The following F2R variants were observed in gnomAD, a reference collection of about 807,000 sequenced individuals.
F2R encodes the protein coagulation factor II thrombin receptor.
In F2R, 12 loss-of-function variants were observed where a neutral mutation model predicts 18.3. The ratio of observed to expected loss-of-function variants is 0.66; its 90% CI spans 0.42 to 1.06. The LOEUF (loss-of-function observed/expected upper bound fraction) is 1.06. Among genes scored for constraint, F2R ranks in the 50% least tolerant of loss-of-function variants. F2R has a pLI of 0.00. For missense variants in F2R, 438 were observed against 530.8 expected, an observed-to-expected ratio of 0.83 and a Z score of 1.72; for synonymous variants, 210 against 219.9, an observed-to-expected ratio of 0.95 and a Z score of 0.40.
intron 1 of F2R, among the ~76,000 whole-genome samples, chr5:76,719,929 C>T (rs1273337430): frequency 6.6e-6 from 1 of 152,146 alleles, no homozygotes; most frequent in Non-Finnish European, 1.5e-5. Context: ...CTCATGAATA[C>T]ACTAATTAAT....
At chr5:76,723,931 T>C (rs1404722291) in intron 1 of F2R, among the ~76,000 whole-genome samples, 3 of 152,222 alleles carry the variant, frequency 2.0e-5, no homozygotes, top group Non-Finnish European at 4.4e-5. Flanking sequence ...TGTATAATTT[T>C]AAAGCAAATC....
chr5:76,731,155 A>C (rs1409165534), intron 1 of F2R, among the ~76,000 whole-genome samples: 1 of 152,228 alleles, frequency 6.6e-6, no homozygotes, highest in Non-Finnish European at 1.5e-5. Context: ...CTATGTTAGG[A>C]GATAACCCCA....
intron 1 of F2R, among the ~76,000 whole-genome samples, chr5:76,725,209 C>T (rs2150581576): frequency 6.6e-6 from 1 of 152,310 alleles, no homozygotes; most frequent in Admixed American, 6.5e-5. Flanking sequence ...GGACAGATCT[C>T]ATCACAGTCA....
intron 1 of F2R, among the ~76,000 whole-genome samples, chr5:76,724,069 T>C (rs1748515175): frequency 6.6e-6 from 1 of 152,146 alleles, no homozygotes; most frequent in South Asian, 2.1e-4. Flanking sequence ...TGTTTTTTTG[T>C]TTGTTTGTTT....
chr5:76,723,879 A>G (rs1748511324), intron 1 of F2R, among the ~76,000 whole-genome samples: 1 of 152,148 alleles, frequency 6.6e-6, no homozygotes, highest in Admixed American at 6.5e-5. Flanking sequence ...CATGTCACCA[A>G]TCTTGTTTTA....
intron 1 of F2R, among the ~76,000 whole-genome samples, chr5:76,718,507 G>C (rs1445669320): frequency 1.3e-5 from 2 of 152,174 alleles, no homozygotes; most frequent in African/African-American, 4.8e-5. Context: ...GCCCTCCCAG[G>C]GCTGGCCCTG....
intron 1 of F2R, among the ~76,000 whole-genome samples, chr5:76,721,994 A>G (rs928606916): frequency 4.6e-5 from 7 of 152,204 alleles, no homozygotes; most frequent in African/African-American, 1.7e-4. Context: ...GAATATTCCT[A>G]TGGTAGCCAA....
intron 1 of F2R, among the ~76,000 whole-genome samples, chr5:76,717,974 G>A (rs182664090): frequency 5.9e-5 from 9 of 152,222 alleles, no homozygotes; most frequent in Admixed American, 5.9e-4. Context: ...GGATGAACTT[G>A]GCTAGTTTAT....
chr5:76,729,041 G>A (rs750254453), intron 1 of F2R, among the ~76,000 whole-genome samples: 5 of 152,162 alleles, frequency 3.3e-5, no homozygotes, highest in African/African-American at 4.8e-5. Flanking sequence ...TGGAATTGCT[G>A]TATTATATAA....
At chr5:76,723,353 C>A in intron 1 of F2R, among the ~76,000 whole-genome samples, 1 of 152,326 alleles carries the variant, frequency 6.6e-6, no homozygotes, top group Admixed American at 6.5e-5. Flanking sequence ...GTGGAGTGGT[C>A]AAAAGGTATG....
chr5:76,719,540 G>C (rs1441617131), intron 1 of F2R, among the ~76,000 whole-genome samples: 2 of 151,694 alleles, frequency 1.3e-5, no homozygotes, highest in Non-Finnish European at 2.9e-5. Flanking sequence ...AGGGAACTGA[G>C]ATTGTGCCAC....
At chr5:76,719,295 G>T (rs1748403436) in intron 1 of F2R, among the ~76,000 whole-genome samples, 1 of 152,190 alleles carries the variant, frequency 6.6e-6, no homozygotes, top group South Asian at 2.1e-4. Flanking sequence ...AGTTGAGAAA[G>T]AGGTGGAATT....
chr5:76,733,763 T>C lies in F2R; in HGVS notation c.*260T>C. On this transcript the variant is annotated 3_prime_UTR_variant, in exon 2 of 2. Coordinates refer to ENST00000319211, the MANE Select transcript of F2R (RefSeq NM_001992.5). ...AATGAATGTCACTTCTGGATATAGC[T>C]AGGTGACATATACATACTTACATGT... 2.1e-6 allele frequency: 1 copy of C among 469,230 alleles called. No homozygotes were observed. Among genetic ancestry groups the C allele is most frequent in the Non-Finnish European group, 3.8e-6 (1 of 261,006 alleles). 29.1% of individuals were successfully genotyped at this position (469,230 alleles called of 1,614,324 possible).
intron 1 of F2R, among the ~76,000 whole-genome samples, chr5:76,730,574 T>C (rs1411305817): frequency 1.3e-5 from 2 of 152,208 alleles, no homozygotes; most frequent in Non-Finnish European, 2.9e-5. Flanking sequence ...CAACCAATTC[T>C]CCTGCAGATT....
rs1478259027 is a variant in F2R at position 76,735,043 on chromosome 5, A to T, written c.*1540A>T. 1.3e-5 allele frequency: 2 copies of T among 152,306 alleles called. No homozygotes were observed. Among genetic ancestry groups the T allele is most frequent in the African/African-American group, 4.8e-5 (2 of 41,432 alleles). The allele number at this position is 152,306 out of a possible 1,614,324, so 9.4% of individuals were successfully genotyped here. ...AATGAGACTTTAAAAGCATTTTTTA[A>T]CCTCCTAAGTATCAAGTATAGAAAA... On this transcript the variant is annotated 3_prime_UTR_variant, in exon 2 of 2. Transcript: ENST00000319211.
At chr5:76,731,319 C>G (rs368846316) in intron 1 of F2R, among the ~76,000 whole-genome samples, 1 of 151,988 alleles carries the variant, frequency 6.6e-6, no homozygotes, top group African/African-American at 2.4e-5. Flanking sequence ...ACTCCAAAAC[C>G]TTTAAGAAAT....
intron 1 of F2R, among the ~76,000 whole-genome samples, chr5:76,728,140 G>A (rs1748604788): frequency 6.6e-6 from 1 of 151,976 alleles, no homozygotes; most frequent in African/African-American, 2.4e-5. Flanking sequence ...TTGTGAGATG[G>A]CTAAATCAAA....
chr5:76,722,232 T>A (rs945941424), intron 1 of F2R, among the ~76,000 whole-genome samples: 2 of 152,224 alleles, frequency 1.3e-5, no homozygotes, highest in African/African-American at 2.4e-5. Flanking sequence ...TTGGTGATCA[T>A]TGACATCCTT....
chr5:76,716,789 G>A (rs750599090), intron 1 of F2R: 2 of 525,944 alleles, frequency 3.8e-6, no homozygotes. Context: ...AAAATATAAA[G>A]TGGCGAACCG....
Sources: allele counts gnomAD v4.1 joint callset (sites outside exome capture counted in the v4.1 genomes callset), GRCh38; gene constraint gnomAD v4.1.1; transcripts MANE v1.5; gene names NCBI Gene and HGNC (gene_info 2026-07-23, HGNC 2026-07-21).